The following OXR1 variants were observed in gnomAD, a reference collection of about 807,000 sequenced individuals.
The protein encoded by OXR1 is oxidation resistance protein 1.
OXR1 carries 41 observed loss-of-function variants against 104.6 expected under a neutral mutation model. That is an observed-to-expected ratio of 0.39 (90% CI 0.31 to 0.51). The LOEUF (loss-of-function observed/expected upper bound fraction) is 0.51, where lower values mean the gene tolerates loss of function less well. Ranked by LOEUF, OXR1 falls within the 20% of genes least tolerant of loss-of-function variation. The pLI is 0.77. For synonymous variants in OXR1, 348 were observed against 348.4 expected, an observed-to-expected ratio of 1.00 and a Z score of 0.01; for missense variants, 955 against 1,031.9, an observed-to-expected ratio of 0.93 and a Z score of 1.02.
At chr8:106,316,365 G>A (rs181095801) in intron 1 of OXR1, among the ~76,000 whole-genome samples, 1 of 152,274 alleles carries the variant, frequency 6.6e-6, no homozygotes, top group Admixed American at 6.5e-5. Flanking sequence ...ATTGTGCCTT[G>A]AAGGCTACAA....
chr8:106,652,646 A>T (rs1824688242), intron 3 of OXR1, among the ~76,000 whole-genome samples: 1 of 150,860 alleles, frequency 6.6e-6, no homozygotes, highest in African/African-American at 2.4e-5. Context: ...CTATATTATT[A>T]AAAAAAAAGA....
intron 1 of OXR1, among the ~76,000 whole-genome samples, chr8:106,302,158 T>C (rs1563704891): frequency 1.3e-5 from 2 of 152,210 alleles, no homozygotes; most frequent in Admixed American, 1.3e-4. Context: ...GTCAGTTTTC[T>C]TTGTCCCAGG....
chr8:106,357,256 G>A (rs2130328401), intron 1 of OXR1, among the ~76,000 whole-genome samples: 1 of 151,376 alleles, frequency 6.6e-6, no homozygotes, highest in African/African-American at 2.4e-5. Flanking sequence ...CTGAACCCTC[G>A]ATAAAAATGA....
chr8:106,671,063 A>AAAAAAAAAAAAAAAAAAAAAAATG (rs1826915081), intron 3 of OXR1, among the ~76,000 whole-genome samples: 2 of 148,916 alleles, frequency 1.3e-5, no homozygotes, highest in Non-Finnish European at 3.0e-5. Flanking sequence ...AAAAAAAAAA[A>AAAAAAAAAAAAAAAAAAAAAAATG]GAATGGCTGA....
At chr8:106,451,377 CA>C (rs1389957188) in intron 2 of OXR1, among the ~76,000 whole-genome samples, 2 of 152,046 alleles carry the variant, frequency 1.3e-5, no homozygotes, top group African/African-American at 4.8e-5. Flanking sequence ...CATTTAAAAA[CA>C]AAAAAGTTAT....
intron 2 of OXR1, among the ~76,000 whole-genome samples, chr8:106,363,787 G>C (rs1816348689): frequency 6.6e-6 from 1 of 152,094 alleles, no homozygotes; most frequent in African/African-American, 2.4e-5. Flanking sequence ...TTCTGCTGTG[G>C]GGAAAATTAT....
chr8:106,318,616 C>T (rs1814079872), intron 1 of OXR1, among the ~76,000 whole-genome samples: 1 of 152,194 alleles, frequency 6.6e-6, no homozygotes, highest in Non-Finnish European at 1.5e-5. Context: ...CAAGGGTCAG[C>T]TCAAATTTAC....
intron 2 of OXR1, among the ~76,000 whole-genome samples, chr8:106,513,540 C>G (rs990413608): frequency 6.6e-6 from 1 of 152,098 alleles, no homozygotes; most frequent in Non-Finnish European, 1.5e-5. Context: ...TCAGTTAGTT[C>G]TCTTGTTATC....
At chr8:106,517,805 C>T (rs950832891) in intron 2 of OXR1, among the ~76,000 whole-genome samples, 2 of 152,180 alleles carry the variant, frequency 1.3e-5, no homozygotes, top group African/African-American at 4.8e-5. Context: ...AGGTAGAAAT[C>T]ATATAGGTCA....
At chr8:106,432,711 T>G (rs188121877) in intron 2 of OXR1, among the ~76,000 whole-genome samples, 1 of 152,142 alleles carries the variant, frequency 6.6e-6, no homozygotes. Context: ...TATGCATGCA[T>G]GTAGGATGCA....
intron 3 of OXR1, chr8:106,658,334 G>A: frequency 2.1e-6 from 2 of 932,696 alleles, no homozygotes; most frequent in Non-Finnish European, 2.8e-6. Context: ...GGTGGCGGCC[G>A]CCGGGGGCGA....
chr8:106,646,747 C>T (rs1189377041), intron 3 of OXR1, among the ~76,000 whole-genome samples: 1 of 152,176 alleles, frequency 6.6e-6, no homozygotes, highest in East Asian at 1.9e-4. Context: ...CTACTGCAAC[C>T]TCAAAGAAAG....
intron 13 of OXR1, among the ~76,000 whole-genome samples, 194 bp downstream of exon 13, chr8:106,739,777 A>G (rs1834760162): frequency 6.6e-6 from 1 of 152,222 alleles, no homozygotes; most frequent in Non-Finnish European, 1.5e-5. Context: ...AGCAGACACT[A>G]AAAGCCAATA....
At chr8:106,327,368 C>G (rs1347349065) in intron 1 of OXR1, among the ~76,000 whole-genome samples, 1 of 152,122 alleles carries the variant, frequency 6.6e-6, no homozygotes, top group Non-Finnish European at 1.5e-5. Context: ...TGTTAAATTA[C>G]TATAAGGGTT....
chr8:106,564,902 C>T (rs769590751), intron 3 of OXR1, among the ~76,000 whole-genome samples: 9 of 152,184 alleles, frequency 5.9e-5, no homozygotes, highest in Non-Finnish European at 1.2e-4. Context: ...TCAATAGATG[C>T]AGAAAAGGCC....
At chr8:106,338,564 GAA>G (rs34887481) in intron 1 of OXR1, among the ~76,000 whole-genome samples, 3 of 84,986 alleles carry the variant, frequency 3.5e-5, no homozygotes, top group African/African-American at 8.4e-5. Context: ...CTCTGTCTCA[GAA>G]AAAAAAAAAA....
intron 1 of OXR1, among the ~76,000 whole-genome samples, chr8:106,279,970 C>T (rs576646503): frequency 8.5e-5 from 13 of 152,050 alleles, no homozygotes; most frequent in African/African-American, 3.1e-4. Context: ...TCACTGTCCT[C>T]AAGACTCAGC....
chr8:106,447,594 C>T (rs181404123), intron 2 of OXR1, among the ~76,000 whole-genome samples: 12 of 152,270 alleles, frequency 7.9e-5, no homozygotes, highest in Admixed American at 6.5e-4. Context: ...ATTGTAAGAA[C>T]ACAATGAATT....
At chr8:106,732,223 G>A (rs913543635) in intron 11 of OXR1, among the ~76,000 whole-genome samples, 6 of 151,892 alleles carry the variant, frequency 4.0e-5, no homozygotes, top group African/African-American at 1.5e-4. Context: ...TATTAATCTT[G>A]CACTCTGAAA....
Sources: gnomAD v4.1 joint callset for allele counts (sites outside exome capture counted in the v4.1 genomes callset) on GRCh38, gnomAD v4.1.1 for gene constraint, MANE v1.5 for transcripts, NCBI Gene and HGNC (gene_info 2026-07-23, HGNC 2026-07-21) for gene names.